RYR3: variants seen among roughly 807,000 people sequenced by gnomAD.
The protein encoded by RYR3 is ryanodine receptor 3.
Under a neutral mutation model 584.3 loss-of-function variants are expected in RYR3, and 207 were observed. That is an observed-to-expected ratio of 0.35 (90% confidence interval 0.32 to 0.40). RYR3 has a LOEUF of 0.40. RYR3 is among the 10% of genes least tolerant of loss of function. The pLI is 1.00. For synonymous variants in RYR3, 2,416 were observed against 2,248.5 expected, an observed-to-expected ratio of 1.07 and a Z score of -2.11; for missense variants, 5,616 against 6,089.2, an observed-to-expected ratio of 0.92 and a Z score of 2.59.
At chr15:33,841,426 A>G (rs1217087738) in intron 90 of RYR3, among the ~76,000 whole-genome samples, 1 of 152,316 alleles carries the variant, frequency 6.6e-6, no homozygotes, top group African/African-American at 2.4e-5. Context: ...GAGTTTCACT[A>G]TCTGGCCAGA....
intron 62 of RYR3, among the ~76,000 whole-genome samples, chr15:33,771,692 G>C (rs1187775091): frequency 6.6e-6 from 1 of 152,156 alleles, no homozygotes; most frequent in African/African-American, 2.4e-5. Context: ...TGCATTTCCT[G>C]AAGAGGTGAG....
intron 1 of RYR3, among the ~76,000 whole-genome samples, chr15:33,391,376 C>T (rs2041984898): frequency 6.6e-6 from 1 of 151,952 alleles, no homozygotes; most frequent in Non-Finnish European, 1.5e-5. Flanking sequence ...ACCTGTAATC[C>T]CAGCAATTTG....
At position 33,360,606 on chromosome 15, in the gene RYR3, AC is replaced by A. The variant is rs1404848260; in HGVS notation, c.51+49511del. Among the ~76,000 whole-genome samples, 3 of 152,210 alleles carry A rather than the reference AC, an allele frequency of 2.0e-5. No individual in the cohort carries two copies. The East Asian group carries it at 5.8e-4, about 29-fold the overall frequency. On this transcript the variant is annotated intron_variant, in intron 1 of 103. Coordinates refer to ENST00000634891, the MANE Select transcript of RYR3 (RefSeq NM_001036.6). ...TGTTTATACATAGGTCTTCCTGAAG[AC>A]ACACATTTTCATTTCTCTCTACTAA... is the stretch of plus-strand genomic sequence containing the variant.
intron 15 of RYR3, among the ~76,000 whole-genome samples, 182 bp from the exon 16 acceptor site, chr15:33,585,816 G>A (rs1204945680): frequency 6.6e-6 from 1 of 152,194 alleles, no homozygotes; most frequent in Non-Finnish European, 1.5e-5. Context: ...TTGGCCCCCA[G>A]GGGGCTCTGA....
intron 1 of RYR3, among the ~76,000 whole-genome samples, chr15:33,314,940 A>AC (rs376280225): frequency 1.4e-5 from 2 of 141,838 alleles, no homozygotes; most frequent in African/African-American, 6.1e-5. Context: ...AAAAAAAAAA[A>AC]CCAAAAAAAA....
At chr15:33,351,080 C>T (rs1452368407) in intron 1 of RYR3, among the ~76,000 whole-genome samples, 1 of 152,124 alleles carries the variant, frequency 6.6e-6, no homozygotes, top group Admixed American at 6.6e-5. Context: ...AAGGGGATCT[C>T]ACCACCGATC....
chr15:33,394,902 G>A (rs530016888), intron 1 of RYR3, among the ~76,000 whole-genome samples: 120 of 152,258 alleles, frequency 7.9e-4, no homozygotes, highest in Non-Finnish European at 1.4e-3. Flanking sequence ...AGAGCCAGAT[G>A]GACATACAGT....
intron 46 of RYR3, 47 bp from the exon 47 acceptor site, chr15:33,728,810 C>G: frequency 6.4e-7 from 1 of 1,558,942 alleles, no homozygotes; most frequent in Non-Finnish European, 8.7e-7. Flanking sequence ...TCTTTTGAGA[C>G]TTTGGAGACA....
At chr15:33,813,137 C>T (rs1337354238) in intron 73 of RYR3, 143 bp downstream of exon 73, 12 of 1,017,774 alleles carry the variant, frequency 1.2e-5, no homozygotes, top group Non-Finnish European at 1.4e-5. Context: ...ATCACCCCCA[C>T]GTGCCATCTC....
At chr15:33,464,489 T>TATATATATATATACACACAC (rs1450450145) in intron 1 of RYR3, among the ~76,000 whole-genome samples, 12 of 67,448 alleles carry the variant, frequency 1.8e-4, no homozygotes, top group African/African-American at 9.2e-4. Flanking sequence ...TATATATATA[T>TATATATATATATACACACAC]ACACATATAT....
intron 38 of RYR3, among the ~76,000 whole-genome samples, chr15:33,692,676 G>A (rs186876952): frequency 7.7e-5 from 11 of 143,458 alleles, no homozygotes; most frequent in Admixed American, 2.9e-4. Flanking sequence ...TATTTATCCC[G>A]TTCTCTGACA....
intron 48 of RYR3, 145 bp downstream of exon 48, chr15:33,731,839 A>G: frequency 3.0e-6 from 2 of 655,744 alleles, no homozygotes; most frequent in Non-Finnish European, 5.5e-6. Context: ...ATCTCATAGG[A>G]TGTGCTCGGC....
intron 67 of RYR3, among the ~76,000 whole-genome samples, chr15:33,794,132 T>A (rs1294616788): frequency 3.3e-4 from 37 of 111,160 alleles, no homozygotes; most frequent in Middle Eastern, 5.2e-3. Context: ...TATATATTTA[T>A]ATATAATATA....
intron 3 of RYR3, among the ~76,000 whole-genome samples, chr15:33,514,299 T>G (rs1000278135): frequency 6.6e-6 from 1 of 152,210 alleles, no homozygotes; most frequent in Admixed American, 6.5e-5. Flanking sequence ...AGCTGGAGGC[T>G]TGGTGCTCCA....
intron 1 of RYR3, among the ~76,000 whole-genome samples, chr15:33,330,285 G>C (rs898271863): frequency 8.5e-5 from 13 of 152,146 alleles, no homozygotes; most frequent in African/African-American, 2.9e-4. Context: ...CATGTCTTCT[G>C]TTTATTCCCA....
rs772409571 is a variant in RYR3 at position 33,540,874 on chromosome 15, A to G, written c.630A>G (p.Gly210=). The change falls in exon 7 of 104, where the codon GGA becomes GGG. Residue 210 remains glycine (G), a synonymous_variant. Transcript: ENST00000634891. ...GGAATGTACATCCTACGTGCTCAGG[A>G]AGTAGCATCGAAGAAGGTGTGCTTC... ...TLWNVHPTCS[G]SSIEEGYLLG... is the part of the protein sequence containing the mutation. The G allele has an allele frequency of 4.3e-6, 7 of 1,610,882 alleles. No homozygotes were observed. In the Admixed American group the frequency reaches 1.2e-4, roughly 27 times the overall value.
At chr15:33,510,489 G>A (rs1171289174) in intron 3 of RYR3, among the ~76,000 whole-genome samples, 2 of 146,370 alleles carry the variant, frequency 1.4e-5, no homozygotes, top group African/African-American at 2.5e-5. Context: ...TAGGTAGAAT[G>A]AATAAATGTA....
intron 2 of RYR3, among the ~76,000 whole-genome samples, chr15:33,491,963 C>T (rs1324976949): frequency 6.6e-6 from 1 of 152,194 alleles, no homozygotes; most frequent in East Asian, 1.9e-4. Context: ...TCAATGAACA[C>T]TTTCATTTTA....
At chr15:33,486,917 C>T (rs1414317341) in intron 2 of RYR3, among the ~76,000 whole-genome samples, 1 of 152,040 alleles carries the variant, frequency 6.6e-6, no homozygotes, top group Non-Finnish European at 1.5e-5. Context: ...GGATGGATGG[C>T]TGGGCGCAGT....
Sources: allele counts gnomAD v4.1 joint callset (sites outside exome capture counted in the v4.1 genomes callset), GRCh38; gene constraint gnomAD v4.1.1; transcripts MANE v1.5; gene names NCBI Gene and HGNC (gene_info 2026-07-23, HGNC 2026-07-21).